The following GALK2 variants were observed in gnomAD, a reference collection of about 807,000 sequenced individuals.
The protein encoded by GALK2 is galactokinase 2.
Under a neutral mutation model 52.4 loss-of-function variants are expected in GALK2, and 36 were observed. The observed-to-expected ratio is 0.69, with a 90% CI of 0.53 to 0.91. GALK2 has a LOEUF of 0.91. GALK2 is among the 40% of genes least tolerant of loss of function. The pLI, the probability that GALK2 is intolerant of heterozygous loss-of-function variation, is 0.00. For missense variants in GALK2, 579 were observed against 559.1 expected (o/e 1.04, Z -0.36); for synonymous variants, 176 against 199.1 (o/e 0.88, Z 0.98).
At chr15:49,178,133 A>T in intron 1 of GALK2, among the ~76,000 whole-genome samples, 1 of 135,936 alleles carries the variant, frequency 7.4e-6, no homozygotes, top group Non-Finnish European at 1.5e-5. Context: ...GTGCCACTGC[A>T]CTCCAGCCTG....
rs557919296 is a variant in GALK2 at position 49,331,545 on chromosome 15, A to G, written c.*3386A>G. 17 of 458,512 alleles carry G rather than the reference A, an allele frequency of 3.7e-5. No individual in the cohort carries two copies. The highest frequency in any genetic ancestry group is 3.3e-4 in the African/African-American group (17 of 50,926). 28.4% of individuals were successfully genotyped at this position (458,512 alleles called of 1,614,324 possible). ...TAACTGCATTTGGAGCTTTTCAGTT[A>G]CATAAACTGTTCCTGGTCAGAAGCT... On this transcript the variant is annotated 3_prime_UTR_variant, in exon 10 of 10. Transcript: ENST00000560031.
chr15:49,258,829 T>TGTGTGTGTGTGAGA (rs1335491479), intron 5 of GALK2, among the ~76,000 whole-genome samples: 2 of 124,042 alleles, frequency 1.6e-5, no homozygotes, highest in African/African-American at 6.4e-5. Flanking sequence ...TGTGTGTGTG[T>TGTGTGTGTGTGAGA]GAGAGAGAGA....
At chr15:49,178,194 A>ACT (rs1281107160) in intron 1 of GALK2, among the ~76,000 whole-genome samples, 5 of 39,610 alleles carry the variant, frequency 1.3e-4, no homozygotes, top group Non-Finnish European at 1.8e-4. Flanking sequence ...AAAAAGAAAT[A>ACT]CTATATATAT....
chr15:49,335,612 G>C, downstream of GALK2: 4 of 646,934 alleles, frequency 6.2e-6, no homozygotes, highest in Non-Finnish European at 8.2e-6. Context: ...GTAATGAAGA[G>C]TCTCAAGTAT....
chr15:49,214,080 A>G (rs1210163217), intron 2 of GALK2, among the ~76,000 whole-genome samples: 1 of 152,124 alleles, frequency 6.6e-6, no homozygotes, highest in East Asian at 1.9e-4. Flanking sequence ...AGATCATGCC[A>G]CTGCACTCCA....
At chr15:49,298,711 A>G (rs1258244825) in intron 8 of GALK2, among the ~76,000 whole-genome samples, 4 of 152,164 alleles carry the variant, frequency 2.6e-5, no homozygotes, top group South Asian at 2.1e-4. Flanking sequence ...AATCACACCT[A>G]TTGATTTGCC....
At chr15:49,227,672 T>TTTG (rs372952506) in intron 3 of GALK2, among the ~76,000 whole-genome samples, 1 of 152,088 alleles carries the variant, frequency 6.6e-6, no homozygotes. Context: ...TTCCTGTCAT[T>TTTG]TTGTTAATTG....
At chr15:49,194,951 G>C (rs1390041710) in intron 1 of GALK2, 1 of 344,292 alleles carries the variant, frequency 2.9e-6, no homozygotes, top group Non-Finnish European at 5.6e-6. Flanking sequence ...CATAAGAAAA[G>C]CTTATTGGTA....
chr15:49,233,080 A>G (rs534015789), intron 3 of GALK2, among the ~76,000 whole-genome samples: 1 of 152,318 alleles, frequency 6.6e-6, no homozygotes, highest in South Asian at 2.1e-4. Flanking sequence ...TCATTCTTGC[A>G]CTGCTATAAA....
At chr15:49,194,375 A>G (rs894760401) in intron 1 of GALK2, among the ~76,000 whole-genome samples, 1 of 152,062 alleles carries the variant, frequency 6.6e-6, no homozygotes, top group Admixed American at 6.6e-5. Context: ...CACCATCATC[A>G]TATATTAAAT....
At chr15:49,315,968 G>T (rs1032286052) in intron 8 of GALK2, among the ~76,000 whole-genome samples, 1 of 152,112 alleles carries the variant, frequency 6.6e-6, no homozygotes, top group East Asian at 1.9e-4. Context: ...AAAGAAATAT[G>T]TAATCCTAAA....
Position 49,292,612 on chromosome 15 carries a change from T to C in GALK2, c.967+75T>C. The C allele has an allele frequency of 2.6e-6, 3 of 1,170,726 alleles. No individual in the cohort carries two copies. In the East Asian group the frequency reaches 7.3e-5, roughly 29 times the overall value. 72.5% of individuals were successfully genotyped at this position (1,170,726 alleles called of 1,614,324 possible). A position where few individuals can be genotyped will look rare whatever the true frequency, so the allele number is the denominator to read the frequency against. On this transcript the variant is annotated intron_variant, in intron 8 of 9. Transcript: ENST00000560031. Reference sequence around the variant, plus strand: ...TGGAAGGTTTCAATTTCTCCACTGGTTTTAGAGAATACTTGAGGGAATTTG... The same window carrying C: ...TGGAAGGTTTCAATTTCTCCACTGGCTTTAGAGAATACTTGAGGGAATTTG...
intron 1 of GALK2, among the ~76,000 whole-genome samples, chr15:49,190,319 G>T (rs923304165): frequency 1.3e-5 from 2 of 151,980 alleles, no homozygotes; most frequent in Non-Finnish European, 2.9e-5. Flanking sequence ...CGCAAATTGC[G>T]TCTGGTGGAA....
intron 2 of GALK2, among the ~76,000 whole-genome samples, chr15:49,215,985 A>G (rs2089336274): frequency 6.6e-6 from 1 of 152,218 alleles, no homozygotes; most frequent in African/African-American, 2.4e-5. Context: ...GAATGCTGCA[A>G]TTCTTCCTGA....
chr15:49,170,450 T>C lies in GALK2; in HGVS notation c.53+75T>C. The C allele has an allele frequency of 3.4e-6, 5 of 1,463,304 alleles. No homozygotes were observed. The South Asian group carries it at 3.7e-5, about 11-fold the overall frequency. The allele number at this position is 1,463,304 out of a possible 1,614,324, so 90.6% of individuals were successfully genotyped here. A position where few individuals can be genotyped will look rare whatever the true frequency, so the allele number is the denominator to read the frequency against. On this transcript the variant is annotated intron_variant, in intron 1 of 9. Coordinates refer to ENST00000560031, the MANE Select transcript of GALK2 (RefSeq NM_002044.4). ...GTAGATCGGGTCCACAGCACTTGGCTCCTCCCTTGGGGCGCTGCTTTTGGT... is the reference window on the plus strand; with the variant it reads ...GTAGATCGGGTCCACAGCACTTGGCCCCTCCCTTGGGGCGCTGCTTTTGGT...
chr15:49,200,041 A>G (rs2087602636), intron 1 of GALK2, among the ~76,000 whole-genome samples: 1 of 152,080 alleles, frequency 6.6e-6, no homozygotes, highest in Non-Finnish European at 1.5e-5. Flanking sequence ...AATTTCCTGA[A>G]TATATTAGGC....
rs575217146 is a variant in GALK2, at chr15:49,366,124, T to C, written c.427-1367T>C. 1.3e-4 allele frequency: 124 copies of C among 979,478 alleles called. 2 individuals are homozygous for C. In the South Asian group the frequency reaches 1.5e-3, roughly 12 times the overall value. 60.7% of individuals were successfully genotyped at this position (979,478 alleles called of 1,614,324 possible). Reference sequence around the variant, plus strand: ...CCAATTCAACTAGTCCACTCCAGTATCCACCTAATGCCACAGTGAACACAG... The same window carrying C: ...CCAATTCAACTAGTCCACTCCAGTACCCACCTAATGCCACAGTGAACACAG... On this transcript the variant is annotated intron_variant, in intron 3 of 3. Transcript: ENST00000558399.
chr15:49,298,349 CAT>C (rs1187611547), intron 8 of GALK2, among the ~76,000 whole-genome samples: 1 of 152,112 alleles, frequency 6.6e-6, no homozygotes, highest in Non-Finnish European at 1.5e-5. Context: ...GGTATAGTAT[CAT>C]ATTGTCAGTG....
chr15:49,293,142 A>G (rs1053192702), intron 8 of GALK2, among the ~76,000 whole-genome samples: 1 of 152,192 alleles, frequency 6.6e-6, no homozygotes, highest in African/African-American at 2.4e-5. Flanking sequence ...GTTAAGATCC[A>G]GTTGCCCTTA....
Sources: gnomAD v4.1 joint callset for allele counts (sites outside exome capture counted in the v4.1 genomes callset) on GRCh38, gnomAD v4.1.1 for gene constraint, MANE v1.5 for transcripts, NCBI Gene and HGNC (gene_info 2026-07-23, HGNC 2026-07-21) for gene names.